Variants in TPTE observed in about 807,000 individuals in gnomAD.
The protein encoded by TPTE is putative tyrosine-protein phosphatase TPTE.
TPTE carries 59 observed loss-of-function variants against 84.1 expected under a neutral mutation model. The ratio of observed to expected loss-of-function variants is 0.70; its 90% confidence interval spans 0.57 to 0.87. The LOEUF (loss-of-function observed/expected upper bound fraction) is 0.87. Among genes scored for constraint, TPTE ranks in the 40% least tolerant of loss-of-function variants. The probability of loss-of-function intolerance (pLI) is 0.00; values close to 1 mark genes in which losing one functional copy is unlikely to be tolerated. For synonymous variants in TPTE, 130 were observed against 223.5 expected (o/e 0.58, Z 3.73); for missense variants, 382 against 659.6 (o/e 0.58, Z 4.61).
At chr21:10,600,522 T>A (rs1217391379) in intron 21 of TPTE, among the ~76,000 whole-genome samples, 1 of 152,292 alleles carries the variant, frequency 6.6e-6, no homozygotes, top group Non-Finnish European at 1.5e-5. Flanking sequence ...CTCTTCTTCC[T>A]TTATCTAAAC....
intron 1 of TPTE, among the ~76,000 whole-genome samples, chr21:10,523,620 C>T (rs917663519): frequency 1.3e-5 from 2 of 152,292 alleles, no homozygotes; most frequent in Admixed American, 6.5e-5. Flanking sequence ...CTACAAAGGA[C>T]ATGAACTCAT....
intron 1 of TPTE, among the ~76,000 whole-genome samples, chr21:10,524,230 C>A (rs1265951854): frequency 6.6e-6 from 1 of 152,312 alleles, no homozygotes; most frequent in Admixed American, 6.5e-5. Flanking sequence ...TCATCTTCAT[C>A]AGGAGAATTA....
intron 21 of TPTE, among the ~76,000 whole-genome samples, chr21:10,599,628 C>T (rs1183144977): frequency 6.6e-6 from 1 of 152,310 alleles, no homozygotes; most frequent in Non-Finnish European, 1.5e-5. Context: ...ATAGGAAATG[C>T]TCAACCATAT....
intron 10 of TPTE, among the ~76,000 whole-genome samples, chr21:10,566,832 C>T (rs1317949424): frequency 5.3e-5 from 8 of 152,300 alleles, no homozygotes; most frequent in Non-Finnish European, 1.2e-4. Context: ...CAAAAATTAG[C>T]TGGGTGTGGT....
intron 7 of TPTE, among the ~76,000 whole-genome samples, chr21:10,548,519 C>T (rs993503723): frequency 2.0e-5 from 3 of 152,310 alleles, no homozygotes; most frequent in African/African-American, 7.2e-5. Context: ...CTGGCAGGCA[C>T]CACCCAGGCC....
intron 9 of TPTE, among the ~76,000 whole-genome samples, chr21:10,560,334 T>TA: frequency 6.6e-6 from 1 of 152,310 alleles, no homozygotes; most frequent in Non-Finnish European, 1.5e-5. Flanking sequence ...AATTGTTTCC[T>TA]TTTGAATTAA....
rs1422788453 is a variant in TPTE at position 10,569,723 on chromosome 21, AC to A, written c.709del (p.Leu237Ter). 6.2e-7 allele frequency: 1 copy of A among 1,613,910 alleles called. No homozygotes were observed. The highest frequency in any genetic ancestry group is 8.5e-7 in the Non-Finnish European group (1 of 1,179,864). ...NKRRYTRDGF[D>X]LDLTYVTERI... is the part of the protein sequence containing the mutation. The stretch of plus-strand genomic sequence containing the variant: ...AGGCGATACACAAGGGATGGATTTG[AC>A]CTAGACCTCACTTACGTTACAGGTT... On this transcript the variant is annotated frameshift_variant, in exon 13 of 24. Coordinates refer to ENST00000618007, the MANE Select transcript of TPTE (RefSeq NM_199261.4). LOFTEE classifies it high-confidence loss of function.
chr21:10,585,818 A>G (rs2075353848), intron 17 of TPTE, among the ~76,000 whole-genome samples: 1 of 152,306 alleles, frequency 6.6e-6, no homozygotes, highest in African/African-American at 2.4e-5. Context: ...TTGGTAGATT[A>G]TAGTTTTCCC....
intron 7 of TPTE, among the ~76,000 whole-genome samples, chr21:10,549,749 A>G (rs1469264469): frequency 6.6e-6 from 1 of 152,310 alleles, no homozygotes. Context: ...AAAAGAGTAG[A>G]GAAAATATGA....
intron 18 of TPTE, among the ~76,000 whole-genome samples, chr21:10,591,785 G>A (rs1477033151): frequency 2.0e-5 from 3 of 152,406 alleles, no homozygotes; most frequent in East Asian, 1.9e-4. Context: ...TTTCTAAGGT[G>A]TTTCTAGCTC....
At chr21:10,565,991 A>G (rs2074913069) in intron 10 of TPTE, among the ~76,000 whole-genome samples, 1 of 152,312 alleles carries the variant, frequency 6.6e-6, no homozygotes, top group Non-Finnish European at 1.5e-5. Context: ...AGGCTACCAA[A>G]GCAAAAATGG....
At chr21:10,524,928 A>G (rs988302207) in intron 2 of TPTE, among the ~76,000 whole-genome samples, 2 of 152,312 alleles carry the variant, frequency 1.3e-5, no homozygotes, top group African/African-American at 2.4e-5. Context: ...TAGAAAAATA[A>G]TAGAAATAGA....
At chr21:10,532,049 G>C (rs1472794965) in intron 3 of TPTE, among the ~76,000 whole-genome samples, 3 of 152,306 alleles carry the variant, frequency 2.0e-5, no homozygotes, top group Admixed American at 6.5e-5. Context: ...AGCATGATTA[G>C]TTAAGTTATT....
At chr21:10,529,852 A>G (rs1368867375) in intron 3 of TPTE, among the ~76,000 whole-genome samples, 6 of 152,300 alleles carry the variant, frequency 3.9e-5, no homozygotes, top group African/African-American at 1.4e-4. Context: ...TTCATGCCCT[A>G]GTTTTAGCAT....
At chr21:10,564,313 C>T (rs577768449) in intron 10 of TPTE, among the ~76,000 whole-genome samples, 119 of 152,376 alleles carry the variant, frequency 7.8e-4, no homozygotes, top group Non-Finnish European at 1.5e-3. Flanking sequence ...AGTTCGAGAC[C>T]AGCCTGGCCA....
intron 21 of TPTE, among the ~76,000 whole-genome samples, chr21:10,598,735 A>G (rs965036996): frequency 6.6e-6 from 1 of 152,312 alleles, no homozygotes; most frequent in Non-Finnish European, 1.5e-5. Context: ...AAATGCCTAA[A>G]ACTATATACC....
intron 17 of TPTE, among the ~76,000 whole-genome samples, chr21:10,586,995 A>C (rs1443991723): frequency 1.3e-5 from 2 of 152,422 alleles, no homozygotes; most frequent in African/African-American, 4.8e-5. Flanking sequence ...TGTTGAGTTA[A>C]GGAAGTTTCC....
chr21:10,562,125 TC>T lies in TPTE; in HGVS notation c.446+936del, dbSNP rs1200476992. Among the ~76,000 whole-genome samples the T allele has an allele frequency of 3.3e-5, 5 of 152,312 alleles. No homozygotes were observed. In the East Asian group the frequency reaches 9.6e-4, roughly 29 times the overall value. On this transcript the variant is annotated intron_variant, in intron 10 of 23. Transcript: ENST00000618007. ...ATGCAGAGAATTATCCTGGATCTTG[TC>T]CAAGACCATTAAGGCAGTACCACTA...
At chr21:10,527,790 A>T (rs2074106380) in intron 3 of TPTE, among the ~76,000 whole-genome samples, 1 of 152,310 alleles carries the variant, frequency 6.6e-6, no homozygotes, top group Non-Finnish European at 1.5e-5. Context: ...CCCCAAACTC[A>T]AAGCCATCAT....
Sources: gnomAD v4.1 joint callset for allele counts (sites outside exome capture counted in the v4.1 genomes callset) on GRCh38, gnomAD v4.1.1 for gene constraint, MANE v1.5 for transcripts, NCBI Gene and HGNC (gene_info 2026-07-23, HGNC 2026-07-21) for gene names.